Variants in CNST observed in about 807,000 individuals in gnomAD.
The protein encoded by CNST is consortin.
Under a neutral mutation model 72.4 loss-of-function variants are expected in CNST, and 39 were observed. That is an observed-to-expected ratio of 0.54 (90% CI 0.42 to 0.70). The LOEUF is 0.70. Among genes scored for constraint, CNST ranks in the 30% least tolerant of loss-of-function variants. The pLI is 0.00. For synonymous variants in CNST, 332 were observed against 320.1 expected, an observed-to-expected ratio of 1.04 and a Z score of -0.40; for missense variants, 871 against 868.5, an observed-to-expected ratio of 1.00 and a Z score of -0.04.
intron 2 of CNST, among the ~76,000 whole-genome samples, chr1:246,598,200 G>T (rs1356475008): frequency 1.3e-5 from 2 of 149,908 alleles, no homozygotes; most frequent in East Asian, 3.9e-4. Flanking sequence ...GCCCAGGCTG[G>T]TCCTGAATTC....
At chr1:246,611,393 G>A (rs77067988) in intron 2 of CNST, among the ~76,000 whole-genome samples, 4,413 of 152,050 alleles carry the variant, frequency 0.029, 209 homozygotes, top group African/African-American at 0.1. Context: ...TGCCTGTTCT[G>A]TCATTTTGCT....
chr1:246,574,277 G>A (rs1457613708), intron 1 of CNST, among the ~76,000 whole-genome samples: 1 of 152,198 alleles, frequency 6.6e-6, no homozygotes, highest in Non-Finnish European at 1.5e-5. Flanking sequence ...TCCTTACCTT[G>A]TGATCCGCCC....
intron 1 of CNST, among the ~76,000 whole-genome samples, chr1:246,586,107 A>G (rs1440479217): frequency 1.5e-3 from 62 of 42,256 alleles, no homozygotes; most frequent in Admixed American, 5.2e-3. Context: ...ATATATATAT[A>G]TATATGTGTG....
At position 246,566,546 on chromosome 1, in the gene CNST, G is replaced by C. The variant is rs1214766473; in HGVS notation, c.-169G>C. Reference sequence around the variant, plus strand: ...AAAGGCGAGAGGTGTCTCCTCCACCGGAGCCAGGGGAGACCCGAGCAAGCT... The same window carrying C: ...AAAGGCGAGAGGTGTCTCCTCCACCCGAGCCAGGGGAGACCCGAGCAAGCT... On this transcript the variant is annotated 5_prime_UTR_variant, in exon 1 of 11. Transcript: ENST00000366513. The C allele has an allele frequency of 4.8e-6, 2 of 418,122 alleles. No individual in the cohort carries two copies. The highest frequency in any genetic ancestry group is 8.5e-5 in the South Asian group (1 of 11,710). 25.9% of individuals were successfully genotyped at this position (418,122 alleles called of 1,614,324 possible). A position where few individuals can be genotyped will look rare whatever the true frequency, so the allele number is the denominator to read the frequency against.
intron 2 of CNST, 70 bp from the exon 3 acceptor site, chr1:246,621,359 T>G: frequency 8.4e-7 from 1 of 1,196,276 alleles, no homozygotes; most frequent in Non-Finnish European, 1.2e-6. Context: ...AAACTATATG[T>G]AATTGTTTTA....
At chr1:246,592,026 C>A in intron 2 of CNST, 85 bp downstream of exon 2, 1 of 1,084,436 alleles carries the variant, frequency 9.2e-7, no homozygotes, top group Non-Finnish European at 1.3e-6. Flanking sequence ...TACTGTCCTG[C>A]ACCTTGCTTC....
intron 5 of CNST, 32 bp from the exon 6 acceptor site, chr1:246,634,441 G>C: frequency 7.7e-7 from 1 of 1,295,576 alleles, no homozygotes; most frequent in East Asian, 2.4e-5. Flanking sequence ...TGTTTTATAA[G>C]AGCCAGTGAC....
intron 9 of CNST, among the ~76,000 whole-genome samples, chr1:246,651,255 C>G (rs1317374356): frequency 6.8e-6 from 1 of 146,814 alleles, no homozygotes; most frequent in Admixed American, 6.6e-5. Flanking sequence ...AATGAGTCTG[C>G]CCCCTCCACC....
intron 3 of CNST, among the ~76,000 whole-genome samples, chr1:246,622,526 G>A (rs918475951): frequency 1.3e-5 from 2 of 152,190 alleles, no homozygotes; most frequent in Non-Finnish European, 2.9e-5. Flanking sequence ...AGCCGTGGCT[G>A]GGATATTATT....
intron 1 of CNST, among the ~76,000 whole-genome samples, chr1:246,574,983 T>TATTTA (rs1660304804): frequency 6.7e-6 from 1 of 149,136 alleles, no homozygotes; most frequent in South Asian, 2.1e-4. Flanking sequence ...TTTATTTATT[T>TATTTA]ATTTATTTAT....
At chr1:246,607,598 C>T (rs1364642829) in intron 2 of CNST, 1 of 152,536 alleles carries the variant, frequency 6.6e-6, no homozygotes, top group Non-Finnish European at 1.5e-5. Flanking sequence ...GTTTTACAGT[C>T]TCCTGTAAAC....
At chr1:246,639,676 A>G (rs1225883839) in intron 6 of CNST, among the ~76,000 whole-genome samples, 4 of 152,212 alleles carry the variant, frequency 2.6e-5, no homozygotes, top group Non-Finnish European at 5.9e-5. Flanking sequence ...AATAAGGTAC[A>G]GAGGTTGTGA....
chr1:246,642,379 A>G (rs145969612), intron 8 of CNST, among the ~76,000 whole-genome samples: 1,933 of 152,226 alleles, frequency 0.013, 27 homozygotes, highest in Non-Finnish European at 0.022. Flanking sequence ...TGGTACATTC[A>G]TACATTGTTT....
intron 4 of CNST, among the ~76,000 whole-genome samples, chr1:246,633,186 A>C (rs1002942036): frequency 1.1e-4 from 17 of 152,164 alleles, no homozygotes; most frequent in Admixed American, 3.9e-4. Context: ...GCAGTGGCTC[A>C]CACCTGTAAT....
intron 6 of CNST, among the ~76,000 whole-genome samples, chr1:246,638,186 C>T (rs1009849492): frequency 2.0e-5 from 3 of 152,156 alleles, no homozygotes; most frequent in African/African-American, 4.8e-5. Flanking sequence ...GAATGAGAAG[C>T]GCCCTTCCTT....
In CNST at chr1:246,621,566, C is replaced by G. The variant is rs747928236; in HGVS notation, c.517C>G (p.Leu173Val). 3.1e-6 allele frequency: 5 copies of G among 1,614,110 alleles called. No homozygotes were observed. The highest frequency in any genetic ancestry group is 4.2e-6 in the Non-Finnish European group (5 of 1,180,044). Residue 173 changes from leucine to valine, a missense_variant, in exon 3 of 11, where the codon CTG becomes GTG. By Grantham distance (32) the Leu-to-Val change is conservative. Transcript: ENST00000366513. ...PEAPKLVLQS[L>V]FSLIRGEVEQ... is the part of the protein sequence containing the mutation. ...GGCGCCAAAGCTTGTTCTGCAGTCT[C>G]TGTTTTCACTTATACGAGGTGAAGT... is the stretch of plus-strand genomic sequence containing the variant.
intron 3 of CNST, among the ~76,000 whole-genome samples, chr1:246,628,003 A>C (rs1664549731): frequency 1.3e-5 from 2 of 151,850 alleles, no homozygotes; most frequent in Admixed American, 6.6e-5. Context: ...GCTGAGGAGC[A>C]AGGAGAGCCG....
chr1:246,634,125 C>T (rs1664973873), intron 5 of CNST, 115 bp downstream of exon 5: 1 of 714,040 alleles, frequency 1.4e-6, no homozygotes, highest in African/African-American at 1.8e-5. Context: ...TTTCCATAAA[C>T]AAGTTAATGT....
rs753789850 is a variant in CNST, at chr1:246,665,796, G to A, written c.2069G>A (p.Gly690Asp). 1 of 1,613,888 alleles carries A rather than the reference G, an allele frequency of 6.2e-7. No individual in the cohort carries two copies. Among genetic ancestry groups the A allele is most frequent in the African/African-American group, 1.3e-5 (1 of 74,920 alleles). ...GGAACTGCATTATACTGCACTTTCG[G>A]TGACATGGAGTCACCTGTTTGTACT... ...VGGTALYCTF[G>D]DMESPVCTDF... The change falls in exon 11 of 11, where the codon GGT (glycine) becomes GAT (aspartate). Residue 690 changes from glycine to aspartate, a missense_variant. By Grantham distance (94) the Gly-to-Asp change is moderately conservative (BLOSUM62 -1). Coordinates refer to ENST00000366513, the MANE Select transcript of CNST (RefSeq NM_152609.3).
Sources: allele counts gnomAD v4.1 joint callset (sites outside exome capture counted in the v4.1 genomes callset), GRCh38; gene constraint gnomAD v4.1.1; transcripts MANE v1.5; gene names NCBI Gene and HGNC (gene_info 2026-07-23, HGNC 2026-07-21).